The following CSK variants were observed in gnomAD, a reference collection of about 807,000 sequenced individuals.
CSK encodes tyrosine-protein kinase CSK.
In CSK, 7 loss-of-function variants were observed where a neutral mutation model predicts 62.3. The ratio of observed to expected loss-of-function variants is 0.11; its 90% CI spans 0.06 to 0.21. CSK has a LOEUF of 0.21. Ranked by LOEUF, CSK falls within the 10% of genes least tolerant of loss-of-function variation. The pLI is 1.00. For synonymous variants in CSK, 237 were observed against 246.0 expected (o/e 0.96, Z 0.34); for missense variants, 294 against 613.5 (o/e 0.48, Z 5.50).
chr15:74,800,561 C>T (rs2063774628), intron 6 of CSK, 56 bp downstream of exon 6: 1 of 1,572,690 alleles, frequency 6.4e-7, no homozygotes. Context: ...ACGCAGGCTT[C>T]CTGGCACTGC....
intron 1 of CSK, among the ~76,000 whole-genome samples, chr15:74,795,658 G>T (rs2141813017): frequency 1.3e-5 from 2 of 152,246 alleles, no homozygotes; most frequent in East Asian, 3.9e-4. Flanking sequence ...AGGGAATGGG[G>T]TTGGCTAGGG....
Position 74,800,866 on chromosome 15 carries a change from G to A in CSK, c.666G>A (p.Lys222=). The A allele has an allele frequency of 6.2e-7, 1 of 1,613,436 alleles. No homozygotes were observed. Among genetic ancestry groups the A allele is most frequent in the Non-Finnish European group, 8.5e-7 (1 of 1,180,018 alleles). ...GDYRGNKVAV[K]CIKNDATAQA... ...ACCGAGGGAACAAAGTCGCCGTCAAGTGCATTAAGAACGACGCCACTGCCC... is the reference window on the plus strand; with the variant it reads ...ACCGAGGGAACAAAGTCGCCGTCAAATGCATTAAGAACGACGCCACTGCCC... Residue 222 remains lysine (K), a synonymous_variant, in exon 8 of 13, where the codon AAG becomes AAA. Coordinates refer to ENST00000220003, the MANE Select transcript of CSK (RefSeq NM_004383.3).
chr15:74,798,542 AC>A lies in CSK; in HGVS notation c.16-71del. 7.0e-7 allele frequency: 1 copy of A among 1,423,358 alleles called. No individual in the cohort carries two copies. Among genetic ancestry groups the A allele is most frequent in the Non-Finnish European group, 9.8e-7 (1 of 1,018,518 alleles). The allele number at this position is 1,423,358 out of a possible 1,614,324, so 88.2% of individuals were successfully genotyped here. On this transcript the variant is annotated intron_variant, in intron 2 of 12. Transcript: ENST00000220003. The surrounding 1 kb of genome is among the most constrained non-coding windows in gnomAD (Gnocchi z 6.6). The stretch of plus-strand genomic sequence containing the variant: ...CACAGAGGCCAGCTCAGAGGCTGTG[AC>A]CACGAGGGTGCGCCAGCAGGTGGCT...
chr15:74,794,137 G>T (rs2063667494), intron 1 of CSK, among the ~76,000 whole-genome samples: 1 of 134,302 alleles, frequency 7.4e-6, no homozygotes, highest in African/African-American at 2.8e-5. Context: ...GGAGGCAGGG[G>T]CAAGGGGTCC....
Position 74,801,120 on chromosome 15 carries a change from C to G in CSK, c.813+18C>G, listed in dbSNP as rs760229578. ...TGGCCAAGGTGGGCACCTGCCGAGACCCGGCACTCAGGCCTTCCAACTGCC... is the reference window on the plus strand; with the variant it reads ...TGGCCAAGGTGGGCACCTGCCGAGAGCCGGCACTCAGGCCTTCCAACTGCC... On this transcript the variant is annotated intron_variant, in intron 9 of 12. Coordinates refer to ENST00000220003, the MANE Select transcript of CSK (RefSeq NM_004383.3). 11 of 1,612,920 alleles carry G rather than the reference C, an allele frequency of 6.8e-6. No homozygotes were observed. The South Asian group carries it at 1.1e-4, about 16-fold the overall frequency.
chr15:74,795,481 A>ACAC (rs1472325568), intron 1 of CSK, among the ~76,000 whole-genome samples: 2 of 152,144 alleles, frequency 1.3e-5, no homozygotes, highest in African/African-American at 4.8e-5. Flanking sequence ...TTCTCTTCTA[A>ACAC]CACACTGTGA....
chr15:74,801,386 A>G (rs2063790097), intron 9 of CSK, 136 bp from the exon 10 acceptor site: 1 of 793,730 alleles, frequency 1.3e-6, no homozygotes, highest in Non-Finnish European at 2.0e-6. Context: ...TCCGGCATGG[A>G]TGTTCTGGCC....
At chr15:74,799,530 ACACCCTAAAC>A (rs765332912) in intron 5 of CSK, 39 bp downstream of exon 5, 1 of 1,587,130 alleles carries the variant, frequency 6.3e-7, no homozygotes, top group Non-Finnish European at 8.6e-7. Flanking sequence ...CCACCCTCAC[ACACCCTAAAC>A]CCATCTGGGG....
chr15:74,798,146 C>T lies in CSK; in HGVS notation c.-65-87C>T, dbSNP rs1683793972. 1 of 755,418 alleles carries T rather than the reference C, an allele frequency of 1.3e-6. No individual in the cohort carries two copies. Among genetic ancestry groups the T allele is most frequent in the South Asian group, 1.9e-5 (1 of 52,888 alleles). 46.8% of individuals were successfully genotyped at this position (755,418 alleles called of 1,614,324 possible). A position where few individuals can be genotyped will look rare whatever the true frequency, so the allele number is the denominator to read the frequency against. On this transcript the variant is annotated intron_variant, in intron 1 of 12. Coordinates refer to ENST00000220003, the MANE Select transcript of CSK (RefSeq NM_004383.3). The surrounding 1 kb of genome is among the most constrained non-coding windows in gnomAD (Gnocchi z 6.6). ...TCCCAGCGCAGGACACTCTTGGCACCTGTTCATGCCCAGTGAGGAGCCAGA... is the reference window on the plus strand; with the variant it reads ...TCCCAGCGCAGGACACTCTTGGCACTTGTTCATGCCCAGTGAGGAGCCAGA...
chr15:74,786,013 T>TTTTTTGTGTGTGTGTGTGTGTGTGTG, intron 1 of CSK, among the ~76,000 whole-genome samples: 1 of 47,816 alleles, frequency 2.1e-5, no homozygotes, highest in African/African-American at 6.7e-5. Flanking sequence ...TTTTTTTTTT[T>TTTTTTGTGTGTGTGTGTGTGTGTGTG]TGTGTGTGTG....
At chr15:74,796,619 A>G (rs906577370) in intron 1 of CSK, among the ~76,000 whole-genome samples, 1 of 152,032 alleles carries the variant, frequency 6.6e-6, no homozygotes, top group Admixed American at 6.6e-5. Context: ...AGAAAAGAAA[A>G]AGAAAAAATC....
At chr15:74,797,103 G>A (rs1025789580) in intron 1 of CSK, among the ~76,000 whole-genome samples, 3 of 151,868 alleles carry the variant, frequency 2.0e-5, no homozygotes, top group African/African-American at 4.8e-5. Context: ...TACCACCCCC[G>A]GCTAATTTTT....
chr15:74,798,197 C>T lies in CSK; in HGVS notation c.-65-36C>T. The T allele has an allele frequency of 7.4e-7, 1 of 1,353,334 alleles. No individual in the cohort carries two copies. Among genetic ancestry groups the T allele is most frequent in the East Asian group, 2.4e-5 (1 of 41,676 alleles). 83.8% of individuals were successfully genotyped at this position (1,353,334 alleles called of 1,614,324 possible). On this transcript the variant is annotated intron_variant, in intron 1 of 12. Transcript: ENST00000220003. This position sits in a 1 kb window ranked among gnomAD's most constrained non-coding sequence, Gnocchi z 6.6. ...TCTCAGCAGTTGGGGGGCATTTCTTCACACCCCTCCTCAGTCTTCATGCTC... is the reference window on the plus strand; with the variant it reads ...TCTCAGCAGTTGGGGGGCATTTCTTTACACCCCTCCTCAGTCTTCATGCTC...
chr15:74,801,598 G>C lies in CSK; in HGVS notation c.887+3G>C. ...GACTGTCTCCTCAAGTTCTCGCTGT[G>C]AGTGAAGCAGCCTCTTGGATGGGTA... On this transcript the variant is annotated splice_donor_region_variant and intron_variant, in intron 10 of 12. Coordinates refer to ENST00000220003, the MANE Select transcript of CSK (RefSeq NM_004383.3). 6.2e-7 allele frequency: 1 copy of C among 1,613,844 alleles called. No homozygotes were observed.
chr15:74,802,145 G>T (rs1484382010), intron 12 of CSK, 62 bp downstream of exon 12: 1 of 1,546,310 alleles, frequency 6.5e-7, no homozygotes, highest in African/African-American at 1.4e-5. Context: ...GCAGGGGCGT[G>T]AGCCTCCTTG....
At chr15:74,795,006 T>C (rs1289352830) in intron 1 of CSK, among the ~76,000 whole-genome samples, 1 of 152,160 alleles carries the variant, frequency 6.6e-6, no homozygotes, top group Non-Finnish European at 1.5e-5. Context: ...ACTCTGGAAG[T>C]GTGTGGGGTC....
At chr15:74,787,194 G>A (rs542378781) in intron 1 of CSK, among the ~76,000 whole-genome samples, 1 of 152,288 alleles carries the variant, frequency 6.6e-6, no homozygotes, top group South Asian at 2.1e-4. Context: ...AATAGAATCC[G>A]CTAAGTAATG....
In CSK at chr15:74,786,002, CT is replaced by C. The variant is rs536939856; in HGVS notation, c.-66+3294del. Reference sequence around the variant, plus strand: ...AGGCCTCTTCTCTCTCTCTCTCTCTCTTTTTTTTTTTTGTGTGTGTGTGTGT... The same window carrying C: ...AGGCCTCTTCTCTCTCTCTCTCTCTCTTTTTTTTTTTGTGTGTGTGTGTGT... On this transcript the variant is annotated intron_variant, in intron 1 of 12. Transcript: ENST00000220003. 8.3e-4 allele frequency among the ~76,000 whole-genome samples: 61 copies of C among 73,628 alleles called. 1 individual carries two copies. Among genetic ancestry groups the C allele is most frequent in the East Asian group, 4.3e-3 (10 of 2,338 alleles). The allele number at this position is 73,628 out of a possible 152,430, so 48.3% of individuals were successfully genotyped here.
At position 74,798,263 on chromosome 15, in the gene CSK, T is replaced by C. The variant is rs1375340631; in HGVS notation, c.-35T>C. 6.5e-7 allele frequency: 1 copy of C among 1,549,248 alleles called. No individual in the cohort carries two copies. The highest frequency in any genetic ancestry group is 8.7e-7 in the Non-Finnish European group (1 of 1,147,620). On this transcript the variant is annotated 5_prime_UTR_variant, in exon 2 of 13. Coordinates refer to ENST00000220003, the MANE Select transcript of CSK (RefSeq NM_004383.3). This position sits in a 1 kb window ranked among gnomAD's most constrained non-coding sequence, Gnocchi z 6.6. ...ATGGTACCAAGTGACAGGTTGGCTT[T>C]ACTGTGACTCGGGGACGCCAGAGCT...
Sources: allele counts gnomAD v4.1 joint callset (sites outside exome capture counted in the v4.1 genomes callset), GRCh38; gene constraint gnomAD v4.1.1; non-coding constraint Gnocchi (gnomAD v3.1); transcripts MANE v1.5; gene names NCBI Gene and HGNC (gene_info 2026-07-23, HGNC 2026-07-21).